Variants in PGR observed in about 807,000 individuals in gnomAD.
PGR encodes the protein nuclear receptor subfamily 3 group C member 3.
In PGR, 25 loss-of-function variants were observed where a neutral mutation model predicts 76.1. The observed-to-expected ratio is 0.33, with a 90% CI of 0.24 to 0.46. The LOEUF (loss-of-function observed/expected upper bound fraction) is 0.46. PGR is among the 20% of genes least tolerant of loss of function. The probability of loss-of-function intolerance (pLI) is 1.00; values close to 1 mark genes in which losing one functional copy is unlikely to be tolerated. For synonymous variants in PGR, 579 were observed against 535.0 expected (o/e 1.08, Z -1.14); for missense variants, 1,172 against 1,225.3 (o/e 0.96, Z 0.65).
At chr11:101,117,561 T>C (rs556234083) in intron 2 of PGR, among the ~76,000 whole-genome samples, 32 of 152,228 alleles carry the variant, frequency 2.1e-4, no homozygotes, top group African/African-American at 6.3e-4. Flanking sequence ...ATCCCAAGAC[T>C]ATAAATACAT....
chr11:101,091,720 A>C (rs1251496381), intron 3 of PGR, 40 bp downstream of exon 3: 2 of 985,388 alleles, frequency 2.0e-6, no homozygotes, highest in East Asian at 2.4e-5. Flanking sequence ...TATAGTATAA[A>C]GATTACACAG....
chr11:101,086,792 A>T (rs746439598), intron 3 of PGR, among the ~76,000 whole-genome samples: 1 of 152,206 alleles, frequency 6.6e-6, no homozygotes, highest in Admixed American at 6.5e-5. Context: ...CAACTATAGC[A>T]TTCAAGGTGA....
In PGR at chr11:101,128,726, C is replaced by T. The variant is rs770441117; in HGVS notation, c.345G>A (p.Leu115=). The T allele has an allele frequency of 1.9e-6, 3 of 1,612,294 alleles. No homozygotes were observed. The Admixed American group carries it at 5.0e-5, about 27-fold the overall frequency. ...EKDSGLLDSV[L]DTLLAPSGPG... ...GACCTGAGGGCGCCAACAGAGTGTC[C>T]AAGACACTGTCCAGCAGTCCGCTGT... Residue 115 remains leucine (L), a synonymous_variant, in exon 1 of 8, where the codon TTG becomes TTA. Coordinates refer to ENST00000325455, the MANE Select transcript of PGR (RefSeq NM_000926.4).
rs1859378345 is a variant in PGR, at chr11:101,032,342, C to G, written c.*6774G>C. 4.3e-6 allele frequency: 1 copy of G among 232,684 alleles called. No individual in the cohort carries two copies. Among genetic ancestry groups the G allele is most frequent in the South Asian group, 1.8e-4 (1 of 5,526 alleles). The allele number at this position is 232,684 out of a possible 1,614,324, so 14.4% of individuals were successfully genotyped here. On this transcript the variant is annotated 3_prime_UTR_variant, in exon 8 of 8. Transcript: ENST00000325455. The stretch of plus-strand genomic sequence containing the variant: ...AGGATTAGTCATCTCCAACTTTATT[C>G]TCCATATTCCAGTGGGAGTCTTCTA...
At chr11:101,084,934 C>T (rs541811344) in intron 3 of PGR, among the ~76,000 whole-genome samples, 7 of 152,134 alleles carry the variant, frequency 4.6e-5, no homozygotes, top group Non-Finnish European at 8.8e-5. Context: ...TACATACGCC[C>T]TCAACACTGG....
At chr11:101,111,805 G>C (rs1862353369) in intron 2 of PGR, among the ~76,000 whole-genome samples, 1 of 152,162 alleles carries the variant, frequency 6.6e-6, no homozygotes, top group Non-Finnish European at 1.5e-5. Flanking sequence ...TAGAAATTTG[G>C]AAGTGATTGG....
intron 4 of PGR, among the ~76,000 whole-genome samples, chr11:101,055,614 A>G (rs116427539): frequency 0.021 from 3,133 of 152,186 alleles, 84 homozygotes; most frequent in African/African-American, 0.058. Flanking sequence ...ACTATGCTGT[A>G]ATTTTTCACT....
chr11:101,058,081 A>G (rs1223425124), intron 4 of PGR, among the ~76,000 whole-genome samples: 3 of 152,164 alleles, frequency 2.0e-5, no homozygotes, highest in Admixed American at 2.0e-4. Flanking sequence ...ACATAGGGAG[A>G]GAAACATATC....
At chr11:101,111,472 CT>C (rs1458447136) in intron 2 of PGR, among the ~76,000 whole-genome samples, 47 of 152,300 alleles carry the variant, frequency 3.1e-4, no homozygotes, top group Admixed American at 8.5e-4. Flanking sequence ...AGTTAATGTT[CT>C]CAAAAACAAA....
At chr11:101,102,101 C>T (rs1252506115) in intron 2 of PGR, among the ~76,000 whole-genome samples, 1 of 151,600 alleles carries the variant, frequency 6.6e-6, no homozygotes, top group Non-Finnish European at 1.5e-5. Context: ...TCCTGAAAGA[C>T]AAAAAAAGGT....
chr11:101,126,972 G>T, intron 1 of PGR: 1 of 152,528 alleles, frequency 6.6e-6, no homozygotes. Flanking sequence ...CACCCCTCCC[G>T]GGGGAACGGT....
intron 2 of PGR, among the ~76,000 whole-genome samples, chr11:101,097,893 C>T (rs1484411514): frequency 6.6e-6 from 1 of 151,600 alleles, no homozygotes; most frequent in Non-Finnish European, 1.5e-5. Context: ...TCCCCTGCCT[C>T]AGCCTCCCGA....
intron 2 of PGR, among the ~76,000 whole-genome samples, chr11:101,125,745 A>G (rs1200877824): frequency 6.6e-6 from 1 of 152,254 alleles, no homozygotes. Flanking sequence ...GAACAATAGT[A>G]GCACTGTCCT....
At chr11:101,106,301 T>C (rs966488830) in intron 2 of PGR, among the ~76,000 whole-genome samples, 2 of 152,110 alleles carry the variant, frequency 1.3e-5, no homozygotes, top group Non-Finnish European at 2.9e-5. Context: ...ACCTACAGAA[T>C]GGAAGAAAAT....
At chr11:101,107,109 G>A (rs1178704790) in intron 2 of PGR, among the ~76,000 whole-genome samples, 1 of 152,142 alleles carries the variant, frequency 6.6e-6, no homozygotes, top group African/African-American at 2.4e-5. Context: ...AATACCTAAT[G>A]TAGGTGACGG....
chr11:101,097,242 G>T lies in PGR; in HGVS notation c.1790-5366C>A, dbSNP rs1861862017. 2.0e-5 allele frequency among the ~76,000 whole-genome samples: 3 copies of T among 152,040 alleles called. No individual in the cohort carries two copies. The South Asian group carries it at 6.2e-4, about 32-fold the overall frequency. On this transcript the variant is annotated intron_variant, in intron 2 of 7. Transcript: ENST00000325455. ...ATGCTCCAGAGTACTAACATCCTTGGATTACCCCCAAACTCTCTCATGCCT... is the reference window on the plus strand; with the variant it reads ...ATGCTCCAGAGTACTAACATCCTTGTATTACCCCCAAACTCTCTCATGCCT...
intron 3 of PGR, among the ~76,000 whole-genome samples, chr11:101,090,820 G>C (rs1861653212): frequency 6.6e-6 from 1 of 152,038 alleles, no homozygotes; most frequent in Non-Finnish European, 1.5e-5. Flanking sequence ...GATTAATTTT[G>C]GTCCAGCACA....
At chr11:101,118,344 C>G (rs1214045541) in intron 2 of PGR, among the ~76,000 whole-genome samples, 1 of 152,024 alleles carries the variant, frequency 6.6e-6, no homozygotes, top group Non-Finnish European at 1.5e-5. Context: ...TTATTTTTAC[C>G]CTTTAATTTT....
At chr11:101,055,779 C>T (rs1028466959) in intron 4 of PGR, among the ~76,000 whole-genome samples, 12 of 151,992 alleles carry the variant, frequency 7.9e-5, no homozygotes, top group Non-Finnish European at 1.3e-4. Context: ...TTTTTGTTTT[C>T]GTCTTTTTGC....
Sources: gnomAD v4.1 joint callset for allele counts (sites outside exome capture counted in the v4.1 genomes callset) on GRCh38, gnomAD v4.1.1 for gene constraint, MANE v1.5 for transcripts, NCBI Gene and HGNC (gene_info 2026-07-23, HGNC 2026-07-21) for gene names.